The following TESK2 variants were observed in gnomAD, a reference collection of about 807,000 sequenced individuals.
TESK2 encodes the protein testis associated actin remodelling kinase 2.
A neutral mutation model predicts 57.1 loss-of-function variants in TESK2; 39 were observed. That is an observed-to-expected ratio of 0.68 (90% CI 0.53 to 0.89). The LOEUF is 0.89. Among genes scored for constraint, TESK2 ranks in the 40% least tolerant of loss-of-function variants. The pLI is 0.00. For missense variants in TESK2, 646 were observed against 732.1 expected (o/e 0.88, Z 1.36); for synonymous variants, 249 against 267.9 (o/e 0.93, Z 0.69).
intron 4 of TESK2, among the ~76,000 whole-genome samples, chr1:45,381,543 G>C (rs911459781): frequency 3.3e-5 from 5 of 152,170 alleles, no homozygotes; most frequent in Admixed American, 1.3e-4. Flanking sequence ...GGATGAGCCA[G>C]AGCAAAGTTC....
intron 3 of TESK2, among the ~76,000 whole-genome samples, chr1:45,410,030 T>A (rs1171916916): frequency 1.3e-5 from 2 of 151,924 alleles, no homozygotes; most frequent in African/African-American, 4.8e-5. Flanking sequence ...CTGGGTGTGG[T>A]GACACATGCC....
At chr1:45,416,550 C>A (rs1458254444) in intron 3 of TESK2, among the ~76,000 whole-genome samples, 1 of 152,100 alleles carries the variant, frequency 6.6e-6, no homozygotes, top group African/African-American at 2.4e-5. Flanking sequence ...TACCTCACAT[C>A]ATTTTTTGTG....
intron 3 of TESK2, among the ~76,000 whole-genome samples, chr1:45,393,738 C>CAA (rs34270037): frequency 7.9e-5 from 7 of 88,374 alleles, no homozygotes; most frequent in Admixed American, 1.1e-4. Context: ...GACTCCGTCT[C>CAA]AAAAAAAAAA....
At chr1:45,442,331 G>T (rs1283232319) in intron 2 of TESK2, among the ~76,000 whole-genome samples, 5 of 151,542 alleles carry the variant, frequency 3.3e-5, no homozygotes, top group Non-Finnish European at 7.4e-5. Context: ...ACTTTGCTGT[G>T]GGATGGGATT....
intron 9 of TESK2, 51 bp from the exon 10 acceptor site, chr1:45,346,045 A>G: frequency 7.4e-7 from 1 of 1,356,566 alleles, no homozygotes; most frequent in East Asian, 2.3e-5. Flanking sequence ...TCCCACCCCA[A>G]AGATGGCATT....
At chr1:45,442,011 A>T (rs1315744800) in intron 2 of TESK2, among the ~76,000 whole-genome samples, 1 of 152,120 alleles carries the variant, frequency 6.6e-6, no homozygotes, top group African/African-American at 2.4e-5. Flanking sequence ...ATCTCGGCTC[A>T]CCGCAACCTC....
chr1:45,445,213 C>T (rs1392834635), intron 2 of TESK2, among the ~76,000 whole-genome samples: 1 of 151,988 alleles, frequency 6.6e-6, no homozygotes, highest in Non-Finnish European at 1.5e-5. Flanking sequence ...AACCTTGACC[C>T]AACCAATCAG....
At chr1:45,471,550 C>T (rs939272936) in intron 1 of TESK2, among the ~76,000 whole-genome samples, 5 of 151,858 alleles carry the variant, frequency 3.3e-5, no homozygotes, top group African/African-American at 1.2e-4. Flanking sequence ...GGACTACAGG[C>T]ACGCACCACT....
At chr1:45,401,874 G>A (rs560671735) in intron 3 of TESK2, among the ~76,000 whole-genome samples, 53 of 152,202 alleles carry the variant, frequency 3.5e-4, no homozygotes, top group Non-Finnish European at 5.9e-4. Flanking sequence ...TGCTGCCAAC[G>A]TTGAGCAGTA....
intron 1 of TESK2, among the ~76,000 whole-genome samples, chr1:45,468,660 T>C (rs1015380806): frequency 6.6e-6 from 1 of 152,224 alleles, no homozygotes; most frequent in Non-Finnish European, 1.5e-5. Flanking sequence ...ACTAATAGTG[T>C]CCCTCAAAGT....
chr1:45,365,449 C>CT, intron 4 of TESK2, among the ~76,000 whole-genome samples: 1 of 152,276 alleles, frequency 6.6e-6, no homozygotes, highest in South Asian at 2.1e-4. Context: ...TATATGCTTG[C>CT]TGAATACCCT....
chr1:45,451,961 AG>A (rs1406077118), intron 2 of TESK2, among the ~76,000 whole-genome samples: 1 of 150,424 alleles, frequency 6.6e-6, no homozygotes, highest in African/African-American at 2.4e-5. Context: ...TGAATCCGGG[AG>A]GCAGAGGTTG....
At chr1:45,465,065 C>T (rs1185804211) in intron 1 of TESK2, among the ~76,000 whole-genome samples, 1 of 151,990 alleles carries the variant, frequency 6.6e-6, no homozygotes, top group Admixed American at 6.6e-5. Context: ...GGTGAAACCC[C>T]GTCTCTACTA....
rs1171606196 is a variant in TESK2 at position 45,344,909 on chromosome 1, T to C, written c.1647A>G (p.Ala549=). The C allele has an allele frequency of 6.2e-7, 1 of 1,614,002 alleles. No individual in the cohort carries two copies. ...TGGAGAAGGTGGCTGGAGTTGAGCC[T>C]GCTGGCCTTTCTTCTACCTCCATCT... ...SEEMEVEERP[A]GSTPATFSTS... The change falls in exon 11 of 11, where the codon GCA becomes GCG. Residue 549 remains alanine, a synonymous_variant. Transcript: ENST00000372086.
chr1:45,454,133 T>C (rs12562468), intron 2 of TESK2, among the ~76,000 whole-genome samples: 11,251 of 152,130 alleles, frequency 0.074, 504 homozygotes, highest in East Asian at 0.18. Context: ...TAAACATAGA[T>C]TGACTAAGTG....
Position 45,405,768 on chromosome 1 carries a change from G to C in TESK2, c.344+15957C>G, listed in dbSNP as rs1041396077. 2.6e-5 allele frequency among the ~76,000 whole-genome samples: 4 copies of C among 151,934 alleles called. 1 individual carries two copies. The highest frequency in any genetic ancestry group is 6.6e-5 in the Admixed American group (1 of 15,234). ...TACGTGTAGTCCCTGCTACTCGGGA[G>C]GCTGAGGTGGGAGGATGATTTTAGC... is the stretch of plus-strand genomic sequence containing the variant. On this transcript the variant is annotated intron_variant, in intron 3 of 10. Coordinates refer to ENST00000372086, the MANE Select transcript of TESK2 (RefSeq NM_007170.3).
At chr1:45,439,441 GAAAT>G (rs1651352571) in intron 2 of TESK2, among the ~76,000 whole-genome samples, 1 of 152,096 alleles carries the variant, frequency 6.6e-6, no homozygotes, top group Non-Finnish European at 1.5e-5. Context: ...CTAGCTCAAA[GAAAT>G]AGCTCCATAG....
chr1:45,439,722 A>G (rs1651362324), intron 2 of TESK2, among the ~76,000 whole-genome samples: 1 of 152,148 alleles, frequency 6.6e-6, no homozygotes, highest in South Asian at 2.1e-4. Context: ...CAGGAAGCTG[A>G]GACAGGAGAA....
At chr1:45,484,000 T>TA (rs35727304) in intron 1 of TESK2, among the ~76,000 whole-genome samples, 63,579 of 144,198 alleles carry the variant, frequency 0.44, 13,800 homozygotes, top group East Asian at 0.59. Flanking sequence ...GATTCTGTCT[T>TA]AAAAAAAAAA....
Sources: gnomAD v4.1 joint callset for allele counts (sites outside exome capture counted in the v4.1 genomes callset) on GRCh38, gnomAD v4.1.1 for gene constraint, MANE v1.5 for transcripts, NCBI Gene and HGNC (gene_info 2026-07-23, HGNC 2026-07-21) for gene names.